ZNF831: variants seen among roughly 807,000 people sequenced by gnomAD.
The protein encoded by ZNF831 is zinc finger protein 831.
A neutral mutation model predicts 95.8 loss-of-function variants in ZNF831; 59 were observed. The ratio of observed to expected loss-of-function variants is 0.62; its 90% CI spans 0.50 to 0.77. The LOEUF (loss-of-function observed/expected upper bound fraction) is 0.77. Ranked by LOEUF, ZNF831 falls within the 30% of genes least tolerant of loss-of-function variation. The probability of loss-of-function intolerance (pLI) is 0.00; values close to 1 mark genes in which losing one functional copy is unlikely to be tolerated. For missense variants in ZNF831, 2,205 were observed against 2,164.0 expected (o/e 1.02, Z -0.38); for synonymous variants, 961 against 925.5 (o/e 1.04, Z -0.70).
At position 59,224,158 on chromosome 20, in the gene ZNF831, G is replaced by A. The variant is rs140480128; in HGVS notation, c.4027+17102G>A. Among the ~76,000 whole-genome samples the A allele has an allele frequency of 6.8e-3, 1,038 of 152,354 alleles. 41 individuals are homozygous for A. In the East Asian group the frequency reaches 0.083, roughly 12 times the overall value. On this transcript the variant is annotated intron_variant, in intron 4 of 5. Transcript: ENST00000371030. ...CAGAAGCCACCTTGGAAATGTGATG[G>A]TGCGTGGCGGGTGGGGGGACTTCCT... is the stretch of plus-strand genomic sequence containing the variant.
At chr20:59,127,167 C>T (rs1384103146) in intron 1 of ZNF831, among the ~76,000 whole-genome samples, 1 of 152,096 alleles carries the variant, frequency 6.6e-6, no homozygotes, top group Non-Finnish European at 1.5e-5. Context: ...ACATCTAATC[C>T]ACCAGCAAGT....
intron 1 of ZNF831, among the ~76,000 whole-genome samples, chr20:59,182,716 T>G (rs1330302852): frequency 6.6e-6 from 1 of 151,766 alleles, no homozygotes; most frequent in Non-Finnish European, 1.5e-5. Context: ...TGTTTGTTTG[T>G]AAACTCTCTT....
Position 59,192,735 on chromosome 20 carries a change from C to T in ZNF831, c.1716C>T (p.Gly572=), listed in dbSNP as rs1983703628. Residue 572 remains glycine, a synonymous_variant, in exon 2 of 6, where the codon GGC becomes GGT. Transcript: ENST00000371030. This position sits in a 1 kb window ranked among gnomAD's most constrained non-coding sequence, Gnocchi z 5.2. ...VRQAAVEDLP[G]TPIGDALVPA... The stretch of plus-strand genomic sequence containing the variant: ...AGGCCGCGGTGGAGGACCTGCCAGG[C>T]ACCCCCATTGGCGATGCCCTGGTGC... 2 of 1,610,044 alleles carry T rather than the reference C, an allele frequency of 1.2e-6. No homozygotes were observed. Among genetic ancestry groups the T allele is most frequent in the Admixed American group, 1.7e-5 (1 of 59,692 alleles).
In ZNF831 at chr20:59,254,871, T is replaced by G. The variant is rs1294103902; in HGVS notation, c.*128T>G. ...TACAGATTAGGAAAGCCATTTTGAG[T>G]TATTTACAAGCCAACTCCAACCAAC... On this transcript the variant is annotated 3_prime_UTR_variant, in exon 6 of 6. Transcript: ENST00000371030. The surrounding 1 kb of genome is among the most constrained non-coding windows in gnomAD (Gnocchi z 4.5). 7.3e-7 allele frequency: 1 copy of G among 1,375,472 alleles called. No individual in the cohort carries two copies. The highest frequency in any genetic ancestry group is 9.8e-7 in the Non-Finnish European group (1 of 1,025,348). The allele number at this position is 1,375,472 out of a possible 1,614,324, so 85.2% of individuals were successfully genotyped here.
At chr20:59,219,923 T>C (rs1056119629) in intron 4 of ZNF831, among the ~76,000 whole-genome samples, 2 of 151,834 alleles carry the variant, frequency 1.3e-5, no homozygotes, top group Non-Finnish European at 2.9e-5. Flanking sequence ...GGCAGGTGGG[T>C]GGGTAGGACG....
intron 4 of ZNF831, among the ~76,000 whole-genome samples, chr20:59,230,733 A>T (rs958558031): frequency 3.9e-5 from 6 of 152,208 alleles, no homozygotes; most frequent in African/African-American, 1.2e-4. Context: ...TACCAAGGAG[A>T]TATGGGGATA....
chr20:59,131,492 A>G (rs543294693), intron 1 of ZNF831, among the ~76,000 whole-genome samples: 22 of 152,306 alleles, frequency 1.4e-4, no homozygotes, highest in African/African-American at 5.1e-4. Context: ...TTACTGATAC[A>G]TGCCAGTGTG....
chr20:59,154,369 C>A (rs1478597049), intron 2 of ZNF831, among the ~76,000 whole-genome samples: 1 of 152,106 alleles, frequency 6.6e-6, no homozygotes. Context: ...TGGTGCGGTC[C>A]CAGAGCAGTG....
intron 4 of ZNF831, among the ~76,000 whole-genome samples, chr20:59,216,770 A>G (rs1446109165): frequency 6.6e-6 from 1 of 152,188 alleles, no homozygotes; most frequent in African/African-American, 2.4e-5. Flanking sequence ...AGGACTTCTC[A>G]GGCCTCAGTC....
chr20:59,180,858 A>G (rs1409025323), intron 1 of ZNF831, among the ~76,000 whole-genome samples: 1 of 152,244 alleles, frequency 6.6e-6, no homozygotes, highest in African/African-American at 2.4e-5. Flanking sequence ...TCTTTATAGT[A>G]GAATGATTTA....
At chr20:59,134,135 A>C (rs573152031) in intron 1 of ZNF831, among the ~76,000 whole-genome samples, 4 of 152,208 alleles carry the variant, frequency 2.6e-5, no homozygotes, top group Non-Finnish European at 5.9e-5. Flanking sequence ...AATGTGGACT[A>C]TCATGCCCAG....
At chr20:59,126,978 C>T (rs1391777043) in intron 1 of ZNF831, among the ~76,000 whole-genome samples, 1 of 152,142 alleles carries the variant, frequency 6.6e-6, no homozygotes, top group Non-Finnish European at 1.5e-5. Flanking sequence ...TATATTTCTG[C>T]CTGGGTTGCT....
chr20:59,199,149 G>A (rs1383583711), intron 3 of ZNF831, among the ~76,000 whole-genome samples: 1 of 144,714 alleles, frequency 6.9e-6, no homozygotes, highest in Non-Finnish European at 1.5e-5. Flanking sequence ...TAACCCTTGT[G>A]TTCTCTCCTC....
chr20:59,207,208 G>A, intron 4 of ZNF831, 152 bp downstream of exon 4: 1 of 934,232 alleles, frequency 1.1e-6, no homozygotes, highest in South Asian at 1.7e-5. Flanking sequence ...TGACGTCTAT[G>A]AGACAATCAA....
intron 4 of ZNF831, among the ~76,000 whole-genome samples, chr20:59,216,392 C>T (rs1285468580): frequency 1.3e-5 from 2 of 152,234 alleles, no homozygotes; most frequent in Non-Finnish European, 2.9e-5. Flanking sequence ...CCAAGAGTTT[C>T]GGAGGCAGCC....
chr20:59,153,567 G>C (rs527368012), intron 2 of ZNF831, among the ~76,000 whole-genome samples: 5 of 152,214 alleles, frequency 3.3e-5, no homozygotes, highest in African/African-American at 9.6e-5. Flanking sequence ...TGATTGGAAG[G>C]CTGGACGGAC....
intron 1 of ZNF831, among the ~76,000 whole-genome samples, chr20:59,176,400 A>G (rs938816819): frequency 2.6e-5 from 4 of 152,118 alleles, no homozygotes; most frequent in African/African-American, 4.8e-5. Context: ...ACACGACTGT[A>G]TTTACTTGTC....
At chr20:59,221,470 C>T (rs1186232736) in intron 4 of ZNF831, among the ~76,000 whole-genome samples, 2 of 152,172 alleles carry the variant, frequency 1.3e-5, no homozygotes, top group Admixed American at 1.3e-4. Context: ...CTGGCCCTCA[C>T]CCCACTGCTG....
At chr20:59,124,575 C>A (rs1257075759) in intron 1 of ZNF831, among the ~76,000 whole-genome samples, 1 of 152,070 alleles carries the variant, frequency 6.6e-6, no homozygotes, top group Non-Finnish European at 1.5e-5. Flanking sequence ...TGCAGTGGGG[C>A]CAGACGCCTC....
Sources: allele counts gnomAD v4.1 joint callset (sites outside exome capture counted in the v4.1 genomes callset), GRCh38; gene constraint gnomAD v4.1.1; non-coding constraint Gnocchi (gnomAD v3.1); transcripts MANE v1.5; gene names NCBI Gene and HGNC (gene_info 2026-07-23, HGNC 2026-07-21).